Variants in SLC28A3 observed in about 807,000 individuals in gnomAD.
The protein encoded by SLC28A3 is concentrative Na(+)-nucleoside cotransporter 3.
Under a neutral mutation model 84.2 loss-of-function variants are expected in SLC28A3, and 68 were observed. The ratio of observed to expected loss-of-function variants is 0.81; its 90% confidence interval spans 0.66 to 0.99. SLC28A3 has a LOEUF of 0.99. Among genes scored for constraint, SLC28A3 ranks in the 50% least tolerant of loss-of-function variants. The pLI, the probability that SLC28A3 is intolerant of heterozygous loss-of-function variation, is 0.00. For missense variants in SLC28A3, 712 were observed against 841.5 expected, an observed-to-expected ratio of 0.85 and a Z score of 1.90; for synonymous variants, 267 against 303.6, an observed-to-expected ratio of 0.88 and a Z score of 1.25.
chr9:84,299,835 C>A, intron 5 of SLC28A3, 110 bp from the exon 6 acceptor site: 1 of 1,275,610 alleles, frequency 7.8e-7, no homozygotes, highest in Non-Finnish European at 1.1e-6. Context: ...CTCTGTTGCC[C>A]AGGCTGGAGT....
In SLC28A3 at chr9:84,279,937, C is replaced by A. The variant is rs11568397; in HGVS notation, c.1828+38G>T. 3.8e-6 allele frequency: 6 copies of A among 1,599,950 alleles called. No homozygotes were observed. In the African/African-American group the frequency reaches 6.7e-5, roughly 18 times the overall value. Reference sequence around the variant, plus strand: ...GCCTGTCCTGAAAGCTGCCATTCATCCTGTGGGCACTGGGACACAAAGGAC... The same window carrying A: ...GCCTGTCCTGAAAGCTGCCATTCATACTGTGGGCACTGGGACACAAAGGAC... On this transcript the variant is annotated intron_variant, in intron 16 of 17. Transcript: ENST00000376238.
the SLC28A3 span, among the ~76,000 whole-genome samples, chr9:84,357,944 AG>A: frequency 9.9e-5 from 15 of 152,186 alleles, no homozygotes; most frequent in African/African-American, 3.6e-4. Context: ...CAAGCTAAAG[AG>A]GAATGAGGCA....
At position 84,313,025 on chromosome 9, in the gene SLC28A3, G is replaced by A. The variant is rs563868866; in HGVS notation, c.156+334C>T. ...TGATGGACCCAGATTCAGAACCATAGTAGAGGGTTCCTCTTGTTTCTGTCA... is the reference window on the plus strand; with the variant it reads ...TGATGGACCCAGATTCAGAACCATAATAGAGGGTTCCTCTTGTTTCTGTCA... On this transcript the variant is annotated intron_variant, in intron 2 of 17. Coordinates refer to ENST00000376238, the MANE Select transcript of SLC28A3 (RefSeq NM_001199633.2). 4.3e-4 allele frequency among the ~76,000 whole-genome samples: 66 copies of A among 152,332 alleles called. 1 individual carries two copies. The highest frequency in any genetic ancestry group is 1.4e-3 in the African/African-American group (57 of 41,582).
At chr9:84,279,170 C>G in intron 17 of SLC28A3, 95 bp downstream of exon 17, 15 of 992,622 alleles carry the variant, frequency 1.5e-5, no homozygotes, top group Non-Finnish European at 2.0e-5. Context: ...AAGACTCCGT[C>G]TCAAAAAAAA....
the SLC28A3 span, among the ~76,000 whole-genome samples, chr9:84,349,410 T>C: frequency 6.6e-6 from 1 of 152,222 alleles, no homozygotes; most frequent in Non-Finnish European, 1.5e-5. Context: ...CTAATTTTTG[T>C]ATTTTTGGTA....
chr9:84,320,050 T>TTTTTG (rs1564170417), intron 1 of SLC28A3, among the ~76,000 whole-genome samples: 4 of 128,730 alleles, frequency 3.1e-5, no homozygotes, highest in Non-Finnish European at 1.6e-5. Context: ...GTTTTTTTTT[T>TTTTTG]TTTTTTTTTT....
upstream of SLC28A3, among the ~76,000 whole-genome samples, chr9:84,341,042 C>T (rs1020262273): frequency 1.5e-4 from 23 of 150,470 alleles, no homozygotes; most frequent in African/African-American, 4.7e-4. Context: ...GACGCAATCT[C>T]GGTTCACTGC....
chr9:84,354,594 T>C, the SLC28A3 span, among the ~76,000 whole-genome samples: 1 of 152,340 alleles, frequency 6.6e-6, no homozygotes, highest in East Asian at 1.9e-4. Flanking sequence ...ACGCCAGTAA[T>C]CCCGGCACTT....
rs756288208 is a variant in SLC28A3, at chr9:84,340,530, T to G, written c.60+44A>C. ...GCCAAGGGGCTAAGGAAAGGGCAGCTTTTCCACTGAAGGCCTTTAACATAA... is the reference window on the plus strand; with the variant it reads ...GCCAAGGGGCTAAGGAAAGGGCAGCGTTTCCACTGAAGGCCTTTAACATAA... On this transcript the variant is annotated intron_variant, in intron 1 of 17. Coordinates refer to ENST00000376238, the MANE Select transcript of SLC28A3 (RefSeq NM_001199633.2). 20 of 1,606,524 alleles carry G rather than the reference T, an allele frequency of 1.2e-5. No homozygotes were observed. In the Middle Eastern group the frequency reaches 4.9e-4, roughly 40 times the overall value.
chr9:84,342,127 CA>C (rs200186519), upstream of SLC28A3, among the ~76,000 whole-genome samples: 3,398 of 68,696 alleles, frequency 0.049, 83 homozygotes, highest in East Asian at 0.16. Context: ...GACCCTGTCT[CA>C]AAAAAAAAAA....
At chr9:84,337,007 T>C (rs1430559746) in intron 1 of SLC28A3, among the ~76,000 whole-genome samples, 1 of 152,116 alleles carries the variant, frequency 6.6e-6, no homozygotes, top group African/African-American at 2.4e-5. Context: ...ATGCACTTGG[T>C]GCTGGCTGGG....
At chr9:84,292,986 C>A (rs1039215107) in intron 9 of SLC28A3, among the ~76,000 whole-genome samples, 1 of 152,174 alleles carries the variant, frequency 6.6e-6, no homozygotes, top group African/African-American at 2.4e-5. Context: ...TTATACAAAT[C>A]AATTTCTATA....
chr9:84,315,549 G>A (rs927379236), intron 1 of SLC28A3, among the ~76,000 whole-genome samples: 4 of 152,306 alleles, frequency 2.6e-5, no homozygotes, highest in Non-Finnish European at 2.9e-5. Context: ...TGTGTTGAGG[G>A]ATAGAGTGGG....
At chr9:84,363,655 T>A in the SLC28A3 span, among the ~76,000 whole-genome samples, 1 of 152,290 alleles carries the variant, frequency 6.6e-6, no homozygotes, top group East Asian at 1.9e-4. Flanking sequence ...GAGAAAAAGA[T>A]AAAAGATGGC....
chr9:84,297,943 C>T lies in SLC28A3; in HGVS notation c.746G>A (p.Gly249Glu), dbSNP rs750790633. ...LGLLILRTDP[G>E]FIAFDWLGRQ... ...GCCCAACCAATCAAAAGCTATAAAT[C>T]CAGGGTCAGTCCTTAGAATCAAGAG... Residue 249 changes from glycine (G) to glutamate (E), a missense_variant, in exon 7 of 18, where the codon GGA (glycine) becomes GAA (glutamate). Physicochemically the swap from Gly to Glu is moderately conservative, Grantham distance 98. Transcript: ENST00000376238. The T allele has an allele frequency of 6.2e-7, 1 of 1,610,018 alleles. No homozygotes were observed. The highest frequency in any genetic ancestry group is 8.5e-7 in the Non-Finnish European group (1 of 1,179,240).
At chr9:84,310,802 T>C (rs1397337780) in intron 2 of SLC28A3, among the ~76,000 whole-genome samples, 1 of 152,004 alleles carries the variant, frequency 6.6e-6, no homozygotes, top group African/African-American at 2.4e-5. Context: ...AGGGCTGGAG[T>C]TGAGTCTTAT....
chr9:84,363,688 G>A, the SLC28A3 span, among the ~76,000 whole-genome samples: 1 of 152,134 alleles, frequency 6.6e-6, no homozygotes, highest in African/African-American at 2.4e-5. Flanking sequence ...CAGACATTCT[G>A]AGTCAGAATG....
chr9:84,320,111 A>G (rs1006756674), intron 1 of SLC28A3, among the ~76,000 whole-genome samples: 2 of 126,352 alleles, frequency 1.6e-5, no homozygotes, highest in African/African-American at 6.3e-5. Context: ...GTGCAGTGGC[A>G]TGATCTTGAC....
intron 1 of SLC28A3, among the ~76,000 whole-genome samples, chr9:84,326,905 T>TGA (rs540420549): frequency 1.1e-4 from 17 of 152,196 alleles, no homozygotes; most frequent in Non-Finnish European, 1.5e-4. Context: ...CTCGGGAGGC[T>TGA]GAGGCAGGAG....
Sources: gnomAD v4.1 joint callset for allele counts (sites outside exome capture counted in the v4.1 genomes callset) on GRCh38, gnomAD v4.1.1 for gene constraint, MANE v1.5 for transcripts, NCBI Gene and HGNC (gene_info 2026-07-23, HGNC 2026-07-21) for gene names.